CTNND1: variants seen among roughly 807,000 people sequenced by gnomAD.
CTNND1 encodes the protein catenin delta 1.
In CTNND1, 16 loss-of-function variants were observed where a neutral mutation model predicts 112.1. That is an observed-to-expected ratio of 0.14 (90% CI 0.10 to 0.22). The LOEUF (loss-of-function observed/expected upper bound fraction) is 0.22. Ranked by LOEUF, CTNND1 falls within the 10% of genes least tolerant of loss-of-function variation. CTNND1 has a pLI of 1.00. For missense variants in CTNND1, 1,008 were observed against 1,257.0 expected (o/e 0.80, Z 3.00); for synonymous variants, 420 against 446.5 (o/e 0.94, Z 0.75).
intron 1 of CTNND1, among the ~76,000 whole-genome samples, chr11:57,782,720 GC>G (rs1402773684): frequency 6.6e-6 from 1 of 152,212 alleles, no homozygotes; most frequent in Admixed American, 6.5e-5. Context: ...GCATAAACTT[GC>G]CTAGGCTAAA....
At chr11:57,783,658 C>CAA (rs1402475104) in intron 1 of CTNND1, among the ~76,000 whole-genome samples, 2 of 105,266 alleles carry the variant, frequency 1.9e-5, no homozygotes, top group South Asian at 3.0e-4. Flanking sequence ...GACTCCATCT[C>CAA]AAAATAAAAA....
Position 57,761,929 on chromosome 11 carries a change from G to T in CTNND1, c.-404G>T. ...GAGAAAGAAGAGCAGGAAAGATCCC[G>T]AAAGGAGGAAGAGGTGGCGAAAAAT... On this transcript the variant is annotated 5_prime_UTR_variant, in exon 1 of 21. Coordinates refer to ENST00000399050, the MANE Select transcript of CTNND1 (RefSeq NM_001085458.2). The T allele has an allele frequency of 4.1e-6, 4 of 985,418 alleles. No homozygotes were observed. The highest frequency in any genetic ancestry group is 4.8e-6 in the Non-Finnish European group (4 of 829,954). 61.0% of individuals were successfully genotyped at this position (985,418 alleles called of 1,614,324 possible).
intron 1 of CTNND1, among the ~76,000 whole-genome samples, chr11:57,771,412 T>A (rs1310897310): frequency 3.4e-5 from 5 of 145,554 alleles, no homozygotes; most frequent in African/African-American, 1.2e-4. Context: ...AGGGTGGGGG[T>A]GAGGTTATTT....
At chr11:57,786,125 T>G (rs1217172967) in intron 1 of CTNND1, among the ~76,000 whole-genome samples, 1 of 151,884 alleles carries the variant, frequency 6.6e-6, no homozygotes, top group Non-Finnish European at 1.5e-5. Flanking sequence ...GAAAATCTAG[T>G]CTTAAGGGGG....
In CTNND1 at chr11:57,816,004, A is replaced by G. The variant is rs746622546; in HGVS notation, c.2895+3A>G. On this transcript the variant is annotated splice_donor_region_variant and intron_variant, in intron 20 of 20. Coordinates refer to ENST00000399050, the MANE Select transcript of CTNND1 (RefSeq NM_001085458.2). ...GCCAAGTGTCTTACCCCTCCATGGT[A>G]TGTCCTTCAGTCACCCCCAAGATTG... 5 of 1,574,596 alleles carry G rather than the reference A, an allele frequency of 3.2e-6. No individual in the cohort carries two copies. Among genetic ancestry groups the G allele is most frequent in the South Asian group, 2.4e-5 (2 of 83,850 alleles).
chr11:57,790,526 A>G lies in CTNND1; in HGVS notation c.-94-859A>G, dbSNP rs1288169465. ...TGGGATTATAGGAGTACGCCACCAC[A>G]CCCGGCTAATTTTGTCTGTGTGTGT... is the stretch of plus-strand genomic sequence containing the variant. On this transcript the variant is annotated intron_variant, in intron 2 of 20. Transcript: ENST00000399050. 1.3e-4 allele frequency among the ~76,000 whole-genome samples: 15 copies of G among 114,958 alleles called. No individual in the cohort carries two copies. The East Asian group carries it at 2.1e-3, about 16-fold the overall frequency. 75.4% of individuals were successfully genotyped at this position (114,958 alleles called of 152,430 possible). A position where few individuals can be genotyped will look rare whatever the true frequency, so the allele number is the denominator to read the frequency against.
chr11:57,783,172 G>C (rs1444908518), intron 1 of CTNND1, among the ~76,000 whole-genome samples: 1 of 152,278 alleles, frequency 6.6e-6, no homozygotes, highest in East Asian at 1.9e-4. Context: ...TATAGTCCCA[G>C]CTACTTGGGA....
intron 10 of CTNND1, 142 bp from the exon 11 acceptor site, chr11:57,806,319 C>G: frequency 1.1e-6 from 1 of 873,876 alleles, no homozygotes; most frequent in Non-Finnish European, 1.8e-6. Context: ...CTTCCCCATA[C>G]GTCCTTTGCA....
intron 17 of CTNND1, 31 bp from the exon 18 acceptor site, chr11:57,814,280 T>C (rs753314890): frequency 1.9e-6 from 3 of 1,558,302 alleles, no homozygotes; most frequent in South Asian, 1.1e-5. Context: ...AGAATTGTTT[T>C]TGACATGGAT....
chr11:57,815,606 T>G (rs1245135797), intron 19 of CTNND1, 106 bp downstream of exon 19: 1 of 1,016,918 alleles, frequency 9.8e-7, no homozygotes, highest in Non-Finnish European at 1.6e-6. Flanking sequence ...CGCATCCTTT[T>G]CTGGTAGGGG....
chr11:57,800,790 A>T (rs1457579819), intron 6 of CTNND1, among the ~76,000 whole-genome samples: 2 of 152,238 alleles, frequency 1.3e-5, no homozygotes, highest in African/African-American at 4.8e-5. Context: ...AGCCAGAAAG[A>T]GATGAGCTCA....
intron 18 of CTNND1, among the ~76,000 whole-genome samples, chr11:57,814,656 C>T (rs1046367307): frequency 2.0e-5 from 3 of 152,050 alleles, no homozygotes; most frequent in African/African-American, 7.3e-5. Flanking sequence ...CCCCAGTCTC[C>T]TTCTCTGGAG....
At chr11:57,771,757 GACCCA>G (rs771836550) in intron 1 of CTNND1, among the ~76,000 whole-genome samples, 168 of 152,254 alleles carry the variant, frequency 1.1e-3, no homozygotes, top group Non-Finnish European at 7.8e-4. Flanking sequence ...GGTAGCACCT[GACCCA>G]ACCTCCATAT....
At chr11:57,777,265 C>T (rs1954528518) in intron 1 of CTNND1, among the ~76,000 whole-genome samples, 1 of 152,144 alleles carries the variant, frequency 6.6e-6, no homozygotes, top group Non-Finnish European at 1.5e-5. Flanking sequence ...GCCACCTGGT[C>T]ATACCAGATC....
intron 18 of CTNND1, among the ~76,000 whole-genome samples, chr11:57,814,949 C>T (rs1470319783): frequency 6.6e-6 from 1 of 152,088 alleles, no homozygotes; most frequent in Non-Finnish European, 1.5e-5. Context: ...GTATTTTATA[C>T]ATATTGTCTT....
In CTNND1 at chr11:57,796,856, C is replaced by T. The variant is rs368249782; in HGVS notation, c.820C>T (p.Arg274Cys). ...RVGGSSVDLH[R>C]FHPEPYGLED... is the part of the protein sequence containing the mutation. ...AGGTGGGAGCAGCGTGGATCTGCAT[C>T]GCTTTCATCCAGAGCCTTATGGGCT... Residue 274 changes from arginine to cysteine, a missense_variant, in exon 6 of 21, where the codon CGC becomes TGC. Around this residue, in one of 5 missense-constraint regions of CTNND1, gnomAD observed 404 missense variants for 457.9 expected, o/e 0.88. Transcript: ENST00000399050. 3.2e-5 allele frequency: 51 copies of T among 1,611,468 alleles called. No homozygotes were observed. The highest frequency in any genetic ancestry group is 4.0e-5 in the Non-Finnish European group (47 of 1,178,306).
At chr11:57,803,856 A>T in intron 8 of CTNND1, 52 bp downstream of exon 8, 1 of 1,342,184 alleles carries the variant, frequency 7.5e-7, no homozygotes, top group East Asian at 2.6e-5. Flanking sequence ...GGACTGACTT[A>T]AATTTCCTAA....
rs1238095822 is a variant in CTNND1 at position 57,803,772 on chromosome 11, A to G, written c.1572A>G (p.Glu524=). The G allele has an allele frequency of 5.0e-6, 8 of 1,612,074 alleles. No individual in the cohort carries two copies. Among genetic ancestry groups the G allele is most frequent in the Admixed American group, 1.7e-5 (1 of 59,796 alleles). ...GTAAGCCACGCCACATTGAGTGGGAATCGGTGCTCACCAACACAGCTGGCT... is the reference window on the plus strand; with the variant it reads ...GTAAGCCACGCCACATTGAGTGGGAGTCGGTGCTCACCAACACAGCTGGCT... ...EDCKPRHIEW[E]SVLTNTAGCL... The change falls in exon 8 of 21, where the codon GAA becomes GAG. Residue 524 remains glutamate (E), a synonymous_variant. Coordinates refer to ENST00000399050, the MANE Select transcript of CTNND1 (RefSeq NM_001085458.2).
At chr11:57,765,235 T>C (rs1410051410) in intron 1 of CTNND1, among the ~76,000 whole-genome samples, 2 of 152,264 alleles carry the variant, frequency 1.3e-5, no homozygotes, top group East Asian at 3.9e-4. Context: ...GTGTAGGTAC[T>C]GTCTTATCTC....
Sources: gnomAD v4.1 joint callset for allele counts (sites outside exome capture counted in the v4.1 genomes callset) on GRCh38, gnomAD v4.1.1 for gene constraint, gnomAD v4.1.1 regional missense constraint, MANE v1.5 for transcripts, NCBI Gene and HGNC (gene_info 2026-07-23, HGNC 2026-07-21) for gene names.